B3GALT1: variants seen among roughly 807,000 people sequenced by gnomAD.
B3GALT1 encodes UDP-Gal:betaGlcNAc beta 1,3-galactosyltransferase, polypeptide 1.
B3GALT1 carries 10 observed loss-of-function variants against 23.2 expected under a neutral mutation model. The observed-to-expected ratio is 0.43, with a 90% CI of 0.27 to 0.73. The LOEUF is 0.73. Ranked by LOEUF, B3GALT1 falls within the 30% of genes least tolerant of loss-of-function variation. The pLI is 0.21. For missense variants in B3GALT1, 299 were observed against 405.4 expected (o/e 0.74, Z 2.25); for synonymous variants, 156 against 141.5 (o/e 1.10, Z -0.73).
intron 3 of B3GALT1, among the ~76,000 whole-genome samples, chr2:167,704,976 A>C (rs1686946436): frequency 6.6e-6 from 1 of 152,146 alleles, no homozygotes; most frequent in South Asian, 2.1e-4. Flanking sequence ...TGATAAATTG[A>C]GTTACTCGCC....
At chr2:167,467,170 G>A (rs1308563997) in intron 1 of B3GALT1, among the ~76,000 whole-genome samples, 1 of 151,732 alleles carries the variant, frequency 6.6e-6, no homozygotes, top group East Asian at 1.9e-4. Context: ...TGGAGCTGAC[G>A]GGAAGGGATA....
chr2:167,658,070 T>A (rs1685986171), intron 3 of B3GALT1, among the ~76,000 whole-genome samples: 1 of 152,126 alleles, frequency 6.6e-6, no homozygotes, highest in South Asian at 2.1e-4. Context: ...AGTTCTCTAT[T>A]GTTTTCATAA....
At chr2:167,629,550 A>C (rs1685404394) in intron 2 of B3GALT1, among the ~76,000 whole-genome samples, 1 of 151,622 alleles carries the variant, frequency 6.6e-6, no homozygotes, top group Admixed American at 6.6e-5. Flanking sequence ...CTTCTGTCAT[A>C]ATTTTATTGC....
At chr2:167,695,084 A>G (rs1686772148) in intron 3 of B3GALT1, among the ~76,000 whole-genome samples, 1 of 152,074 alleles carries the variant, frequency 6.6e-6, no homozygotes, top group East Asian at 1.9e-4. Context: ...ATTCATTTCT[A>G]ATCTTCTTAT....
At chr2:167,691,769 A>G (rs1353736352) in intron 3 of B3GALT1, among the ~76,000 whole-genome samples, 5 of 152,182 alleles carry the variant, frequency 3.3e-5, no homozygotes, top group Admixed American at 6.6e-5. Context: ...TTAATTTAGT[A>G]GCTTAAAAGG....
intron 3 of B3GALT1, among the ~76,000 whole-genome samples, chr2:167,667,162 T>G (rs1024952134): frequency 7.9e-5 from 12 of 152,176 alleles, no homozygotes; most frequent in Admixed American, 4.6e-4. Context: ...ACAAAATCTC[T>G]CAGCATTTGC....
intron 2 of B3GALT1, among the ~76,000 whole-genome samples, chr2:167,621,831 T>C (rs577465921): frequency 1.3e-5 from 2 of 152,136 alleles, no homozygotes; most frequent in East Asian, 1.9e-4. Context: ...ACATGTTTGC[T>C]TCCCCTTCTA....
At chr2:167,387,601 G>A (rs1040972248) in intron 1 of B3GALT1, among the ~76,000 whole-genome samples, 2 of 152,282 alleles carry the variant, frequency 1.3e-5, no homozygotes, top group African/African-American at 2.4e-5. Context: ...TAAAAACTTC[G>A]AAAGAGGGTC....
At chr2:167,563,196 G>C (rs1684051492) in intron 2 of B3GALT1, among the ~76,000 whole-genome samples, 1 of 151,072 alleles carries the variant, frequency 6.6e-6, no homozygotes, top group Admixed American at 6.6e-5. Flanking sequence ...TGGCCGGGCA[G>C]AGGGGCTCCT....
intron 3 of B3GALT1, among the ~76,000 whole-genome samples, chr2:167,694,717 C>G (rs1464127383): frequency 6.6e-6 from 1 of 151,846 alleles, no homozygotes; most frequent in Non-Finnish European, 1.5e-5. Flanking sequence ...CCACCACATT[C>G]TGTTGGTGAA....
At chr2:167,459,090 ATAT>A (rs766199549) in intron 1 of B3GALT1, among the ~76,000 whole-genome samples, 1 of 152,126 alleles carries the variant, frequency 6.6e-6, no homozygotes. Flanking sequence ...CTTTTGACTG[ATAT>A]TATTTCATTT....
chr2:167,796,908 G>A (rs1290464743), intron 3 of B3GALT1, among the ~76,000 whole-genome samples: 1 of 152,174 alleles, frequency 6.6e-6, no homozygotes, highest in Non-Finnish European at 1.5e-5. Context: ...TTTCTCCAGT[G>A]AGGCTAGGTT....
chr2:167,698,316 T>G (rs1308830454), intron 3 of B3GALT1, among the ~76,000 whole-genome samples: 2 of 152,250 alleles, frequency 1.3e-5, no homozygotes, highest in Admixed American at 1.3e-4. Flanking sequence ...GAAATAAACT[T>G]AGTGAGGAAA....
chr2:167,773,843 G>T (rs961347437), intron 3 of B3GALT1, among the ~76,000 whole-genome samples: 9 of 152,174 alleles, frequency 5.9e-5, no homozygotes. Context: ...AGTCCAAGTG[G>T]TCATTCATTC....
At chr2:167,483,914 C>T (rs1699590362) in intron 1 of B3GALT1, among the ~76,000 whole-genome samples, 2 of 151,956 alleles carry the variant, frequency 1.3e-5, no homozygotes, top group African/African-American at 4.8e-5. Flanking sequence ...ATCCATGGAT[C>T]GCATGGAAAT....
chr2:167,375,325 T>C (rs1007318569), intron 1 of B3GALT1, among the ~76,000 whole-genome samples: 1 of 152,264 alleles, frequency 6.6e-6, no homozygotes, highest in East Asian at 1.9e-4. Context: ...ATTTGGGCTC[T>C]TTTTTAGTTC....
chr2:167,838,956 T>G lies in B3GALT1; in HGVS notation c.-230+20163T>G, dbSNP rs1318081503. On this transcript the variant is annotated intron_variant, in intron 4 of 4. Coordinates refer to ENST00000392690, the MANE Select transcript of B3GALT1 (RefSeq NM_020981.4). The stretch of plus-strand genomic sequence containing the variant: ...TGATTATCTCAATAGATGCAGAAAA[T>G]GCCTTTGACAAAATTCAACAACCCT... Among the ~76,000 whole-genome samples, 26 of 152,232 alleles carry G rather than the reference T, an allele frequency of 1.7e-4. No homozygotes were observed. In the South Asian group the frequency reaches 3.3e-3, roughly 19 times the overall value.
At chr2:167,322,461 T>C (rs1046485643) in intron 1 of B3GALT1, among the ~76,000 whole-genome samples, 1 of 152,026 alleles carries the variant, frequency 6.6e-6, no homozygotes, top group African/African-American at 2.4e-5. Context: ...GAAAAATTCA[T>C]GTATAAAATA....
chr2:167,435,987 A>G (rs1574077561), intron 1 of B3GALT1, among the ~76,000 whole-genome samples: 1 of 105,242 alleles, frequency 9.5e-6, no homozygotes, highest in Non-Finnish European at 1.8e-5. Context: ...ACACACGCAC[A>G]CACACACACG....
Sources: allele counts gnomAD v4.1 joint callset (sites outside exome capture counted in the v4.1 genomes callset), GRCh38; gene constraint gnomAD v4.1.1; transcripts MANE v1.5; gene names NCBI Gene and HGNC (gene_info 2026-07-23, HGNC 2026-07-21).